Variants in ZSCAN5A observed in about 807,000 individuals in gnomAD.
ZSCAN5A encodes the protein zinc finger and SCAN domain-containing protein 5A.
Under a neutral mutation model 23.7 loss-of-function variants are expected in ZSCAN5A, and 12 were observed. The observed-to-expected ratio is 0.51, with a 90% CI of 0.32 to 0.82. ZSCAN5A has a LOEUF of 0.82. Ranked by LOEUF, ZSCAN5A falls within the 40% of genes least tolerant of loss-of-function variation. The pLI is 0.03. For missense variants in ZSCAN5A, 597 were observed against 617.9 expected (o/e 0.97, Z 0.36); for synonymous variants, 257 against 239.9 (o/e 1.07, Z -0.66).
chr19:56,308,608 G>T (rs796492737), intron 2 of ZSCAN5A, among the ~76,000 whole-genome samples: 7 of 152,284 alleles, frequency 4.6e-5, no homozygotes, highest in African/African-American at 1.7e-4. Flanking sequence ...ACAGGCATGA[G>T]CCACCACGCC....
chr19:56,254,482 C>A (rs186455870), intron 2 of ZSCAN5A, among the ~76,000 whole-genome samples: 5 of 152,166 alleles, frequency 3.3e-5, no homozygotes, highest in Admixed American at 3.3e-4. Context: ...ACAGATGGAC[C>A]ATATTTTGTT....
chr19:56,344,000 ATTATC>A (rs1338109379), intron 2 of ZSCAN5A, among the ~76,000 whole-genome samples: 27 of 152,242 alleles, frequency 1.8e-4, no homozygotes, highest in Admixed American at 1.8e-3. Flanking sequence ...CATTTACCTA[ATTATC>A]TTATGTTAAT....
intron 2 of ZSCAN5A, among the ~76,000 whole-genome samples, chr19:56,326,305 TTGTGTGTGTGTG>T (rs368735639): frequency 6.9e-6 from 1 of 145,534 alleles, no homozygotes; most frequent in South Asian, 2.2e-4. Context: ...ACAGTTACCA[TTGTGTGTGTGTG>T]TGTGTGTGTG....
At chr19:56,284,670 A>G (rs1199853960) in intron 2 of ZSCAN5A, among the ~76,000 whole-genome samples, 1 of 151,750 alleles carries the variant, frequency 6.6e-6, no homozygotes, top group Non-Finnish European at 1.5e-5. Flanking sequence ...ACCCACCACC[A>G]TGTCTGCCTA....
At chr19:56,249,757 G>A (rs1216258634) in intron 2 of ZSCAN5A, among the ~76,000 whole-genome samples, 2 of 152,160 alleles carry the variant, frequency 1.3e-5, no homozygotes, top group African/African-American at 2.4e-5. Context: ...TTGATACGAT[G>A]GCCTCCTCTT....
rs116992291 is a variant in ZSCAN5A, at chr19:56,307,635, C to T, written c.-128+5648G>A. On this transcript the variant is annotated intron_variant, in intron 2 of 5. Transcript: ENST00000683990. ...TGTTCATACGGAGAAAAATCTGAGCCCACAGAGATAAGTCACTGCAAATGC... is the reference window on the plus strand; with the variant it reads ...TGTTCATACGGAGAAAAATCTGAGCTCACAGAGATAAGTCACTGCAAATGC... Among the ~76,000 whole-genome samples, 239 of 152,144 alleles carry T rather than the reference C, an allele frequency of 1.6e-3. 2 individuals carry two copies. The East Asian group carries it at 0.032, about 20-fold the overall frequency.
chr19:56,360,464 C>T (rs4334405), intron 2 of ZSCAN5A, among the ~76,000 whole-genome samples: 38,845 of 152,018 alleles, frequency 0.26, 5,299 homozygotes, highest in Middle Eastern at 0.44. Flanking sequence ...TGCTCATGGA[C>T]AGGAAGAGTC....
At chr19:56,331,159 T>C (rs895541843) in intron 2 of ZSCAN5A, among the ~76,000 whole-genome samples, 2 of 152,236 alleles carry the variant, frequency 1.3e-5, no homozygotes, top group Non-Finnish European at 2.9e-5. Context: ...GTTCCATTGA[T>C]CTATGTCTGT....
At chr19:56,253,082 T>A (rs1283849946) in intron 2 of ZSCAN5A, among the ~76,000 whole-genome samples, 3 of 152,150 alleles carry the variant, frequency 2.0e-5, no homozygotes, top group Non-Finnish European at 4.4e-5. Flanking sequence ...CCTGTGGACT[T>A]AGAAGCTGGG....
intron 2 of ZSCAN5A, among the ~76,000 whole-genome samples, chr19:56,307,802 C>T (rs929133315): frequency 2.6e-5 from 4 of 152,318 alleles, no homozygotes; most frequent in Admixed American, 2.0e-4. Flanking sequence ...TTTGGGTACA[C>T]ACCTATTTTA....
At position 56,221,598 on chromosome 19, in the gene ZSCAN5A, G is replaced by A; in HGVS notation, c.1468C>T (p.His490Tyr). 1.2e-6 allele frequency: 2 copies of A among 1,604,428 alleles called. No individual in the cohort carries two copies. The highest frequency in any genetic ancestry group is 1.7e-6 in the Non-Finnish European group (2 of 1,175,440). Residue 490 changes from histidine to tyrosine, a missense_variant, in exon 6 of 6, where the codon CAT (histidine) becomes TAT (tyrosine). By Grantham distance (83) the His-to-Tyr change is moderately conservative. This residue lies in a region of ZSCAN5A where 87 missense variants were observed against 74.4 expected (regional missense o/e 1.17). Transcript: ENST00000683990. ...AATCACTGAGAAGTAGCTTCTGGAT[G>A]TGTTTTCTGGTGGCGTCTTAACAAT... ...LKLLRRHQKT[H>Y]PEATSQ
chr19:56,273,355 G>A (rs747757959), intron 2 of ZSCAN5A, among the ~76,000 whole-genome samples: 6 of 152,168 alleles, frequency 3.9e-5, no homozygotes, highest in Non-Finnish European at 8.8e-5. Flanking sequence ...AGAGTATATT[G>A]GGAAGAGGAC....
rs945092063 is a variant in ZSCAN5A, at chr19:56,225,176, G to T, written c.-127-3C>A. 1.1e-5 allele frequency: 15 copies of T among 1,374,420 alleles called. No homozygotes were observed. The highest frequency in any genetic ancestry group is 6.6e-5 in the Admixed American group (2 of 30,394). The allele number at this position is 1,374,420 out of a possible 1,614,324, so 85.1% of individuals were successfully genotyped here. On this transcript the variant is annotated splice_region_variant and splice_polypyrimidine_tract_variant and intron_variant, in intron 2 of 5. Transcript: ENST00000683990. ...AGATTCACTGTTCATTCAGAAGTCT[G>T]GGGGGGAAAAGTATGAGCCTCATTA...
intron 2 of ZSCAN5A, among the ~76,000 whole-genome samples, chr19:56,252,230 T>C (rs918239617): frequency 2.0e-5 from 3 of 152,188 alleles, no homozygotes; most frequent in African/African-American, 7.2e-5. Context: ...GATTCTCTTA[T>C]GGTTTTCTGG....
chr19:56,258,762 C>A (rs8110101), intron 2 of ZSCAN5A, among the ~76,000 whole-genome samples: 9,014 of 152,204 alleles, frequency 0.059, 913 homozygotes, highest in African/African-American at 0.21. Flanking sequence ...CCCCTTGCAT[C>A]TGGGCAGGGC....
At chr19:56,255,053 A>AAT (rs1437228163) in intron 2 of ZSCAN5A, among the ~76,000 whole-genome samples, 1 of 151,788 alleles carries the variant, frequency 6.6e-6, no homozygotes, top group African/African-American at 2.4e-5. Flanking sequence ...TATATTTTAA[A>AAT]ATATATATTT....
At chr19:56,270,305 C>G (rs1247062762) in intron 2 of ZSCAN5A, among the ~76,000 whole-genome samples, 1 of 152,154 alleles carries the variant, frequency 6.6e-6, no homozygotes, top group Non-Finnish European at 1.5e-5. Context: ...GTAATCCCAG[C>G]TACTCAGGAG....
intron 2 of ZSCAN5A, among the ~76,000 whole-genome samples, chr19:56,239,844 G>A (rs564138944): frequency 8.5e-5 from 13 of 152,160 alleles, no homozygotes; most frequent in South Asian, 4.2e-4. Flanking sequence ...TCTGTGTGGC[G>A]CGAGGGGACC....
intron 2 of ZSCAN5A, among the ~76,000 whole-genome samples, chr19:56,290,813 C>A (rs929590368): frequency 6.6e-6 from 1 of 152,208 alleles, no homozygotes; most frequent in Admixed American, 6.5e-5. Context: ...ACTGACTCCC[C>A]GAATGCTGGT....
Sources: allele counts gnomAD v4.1 joint callset (sites outside exome capture counted in the v4.1 genomes callset), GRCh38; gene constraint gnomAD v4.1.1; regional missense constraint gnomAD v4.1.1; transcripts MANE v1.5; gene names NCBI Gene and HGNC (gene_info 2026-07-23, HGNC 2026-07-21).